Variants in FILIP1 observed in about 807,000 individuals in gnomAD.
The protein encoded by FILIP1 is filamin-A-interacting protein 1.
A neutral mutation model predicts 102.1 loss-of-function variants in FILIP1; 61 were observed. The observed-to-expected ratio is 0.60, with a 90% CI of 0.49 to 0.74. FILIP1 has a LOEUF of 0.74. FILIP1 is among the 30% of genes least tolerant of loss of function. The pLI, the probability that FILIP1 is intolerant of heterozygous loss-of-function variation, is 0.00. For synonymous variants in FILIP1, 491 were observed against 526.9 expected, an observed-to-expected ratio of 0.93 and a Z score of 0.93; for missense variants, 1,314 against 1,441.2, an observed-to-expected ratio of 0.91 and a Z score of 1.43.
At chr6:75,301,633 T>C (rs192326240) in intron 6 of FILIP1, among the ~76,000 whole-genome samples, 46 of 152,322 alleles carry the variant, frequency 3.0e-4, no homozygotes, top group Non-Finnish European at 2.9e-5. Context: ...AGGAAAAGCA[T>C]TGTAGCAGGA....
chr6:75,305,409 A>G (rs560708034), downstream of FILIP1, among the ~76,000 whole-genome samples: 1 of 152,334 alleles, frequency 6.6e-6, no homozygotes, highest in African/African-American at 2.4e-5. Context: ...CACACTACAC[A>G]TGAAAGCTAT....
intron 4 of FILIP1, among the ~76,000 whole-genome samples, chr6:75,327,570 A>C (rs1773910569): frequency 1.9e-5 from 2 of 104,894 alleles, no homozygotes; most frequent in Non-Finnish European, 3.9e-5. Context: ...ATAAGTATAT[A>C]TGCATATATA....
chr6:75,351,097 G>T (rs540460265), intron 4 of FILIP1, among the ~76,000 whole-genome samples: 1 of 151,826 alleles, frequency 6.6e-6, no homozygotes, highest in African/African-American at 2.4e-5. Flanking sequence ...ACAGAGTTTC[G>T]CTCTTGTTGC....
chr6:75,319,300 T>G (rs1562451827), intron 4 of FILIP1: 17 of 661,084 alleles, frequency 2.6e-5, no homozygotes, highest in Non-Finnish European at 3.5e-5. Context: ...GCATCACCAA[T>G]GGGCAGGCCA....
At chr6:75,322,939 C>A (rs1236387589) in intron 4 of FILIP1, among the ~76,000 whole-genome samples, 1 of 152,160 alleles carries the variant, frequency 6.6e-6, no homozygotes, top group Non-Finnish European at 1.5e-5. Context: ...GATGATCCAC[C>A]CACCTCGGCC....
At chr6:75,452,585 G>C (rs13195792) in intron 1 of FILIP1, among the ~76,000 whole-genome samples, 1 of 152,166 alleles carries the variant, frequency 6.6e-6, no homozygotes, top group Non-Finnish European at 1.5e-5. Context: ...AAACAACTTA[G>C]ATGACCCATA....
intron 4 of FILIP1, among the ~76,000 whole-genome samples, chr6:75,316,580 T>C (rs1258213611): frequency 6.6e-6 from 1 of 152,168 alleles, no homozygotes; most frequent in Admixed American, 6.5e-5. Context: ...AAGCTATTAA[T>C]AATTAAATAC....
chr6:75,479,210 A>C (rs986631427), intron 1 of FILIP1, among the ~76,000 whole-genome samples: 10 of 152,204 alleles, frequency 6.6e-5, no homozygotes, highest in African/African-American at 2.4e-4. Flanking sequence ...TTTGAGAACA[A>C]TAGGAGGAAG....
chr6:75,348,088 T>C (rs4273651), intron 4 of FILIP1, among the ~76,000 whole-genome samples: 101,598 of 149,540 alleles, frequency 0.68, 34,357 homozygotes, highest in Middle Eastern at 0.77. Context: ...CACACACACA[T>C]ACACACACTT....
chr6:75,345,431 C>T (rs1774544696), intron 4 of FILIP1, among the ~76,000 whole-genome samples: 1 of 151,212 alleles, frequency 6.6e-6, no homozygotes, highest in Non-Finnish European at 1.5e-5. Context: ...GAAGCTCGCA[C>T]AGGTGAATGC....
intron 2 of FILIP1, among the ~76,000 whole-genome samples, chr6:75,414,063 C>A (rs1777168445): frequency 1.3e-5 from 2 of 148,700 alleles, no homozygotes; most frequent in Non-Finnish European, 3.0e-5. Context: ...ACAGATGATA[C>A]CCACATTTTT....
downstream of FILIP1, among the ~76,000 whole-genome samples, chr6:75,303,773 AAG>A (rs1272381591): frequency 2.0e-5 from 3 of 149,340 alleles, no homozygotes; most frequent in Admixed American, 1.3e-4. Context: ...GAGAGAGAGA[AAG>A]AGAGAGAGAG....
intron 1 of FILIP1, among the ~76,000 whole-genome samples, chr6:75,439,843 GTAA>G (rs1778149345): frequency 6.6e-6 from 1 of 152,176 alleles, no homozygotes. Flanking sequence ...TTGTTAAGAA[GTAA>G]TTCTCAATTA....
At chr6:75,435,381 G>A (rs1406611007) in intron 1 of FILIP1, among the ~76,000 whole-genome samples, 1 of 152,104 alleles carries the variant, frequency 6.6e-6, no homozygotes, top group Non-Finnish European at 1.5e-5. Context: ...AGATTTCTTT[G>A]CCTCTTTAAG....
intron 2 of FILIP1, among the ~76,000 whole-genome samples, chr6:75,398,429 G>T (rs9443171): frequency 0.69 from 105,153 of 151,924 alleles, 36,584 homozygotes; most frequent in Middle Eastern, 0.77. Context: ...GCAGGTCACA[G>T]GAGCTTCAGA....
intron 1 of FILIP1, among the ~76,000 whole-genome samples, chr6:75,484,008 T>C (rs1378746616): frequency 6.6e-6 from 1 of 152,134 alleles, no homozygotes; most frequent in African/African-American, 2.4e-5. Flanking sequence ...AGCTACTTTA[T>C]TGTTTATTAT....
Position 75,312,436 on chromosome 6 carries a change from T to A in FILIP1, c.3396A>T (p.Thr1132=), listed in dbSNP as rs1235142859. The A allele has an allele frequency of 1.2e-6, 2 of 1,614,034 alleles. No homozygotes were observed. Among genetic ancestry groups the A allele is most frequent in the African/African-American group, 2.7e-5 (2 of 74,984 alleles). ...ASKVTSTITI[T]PVTTSSARGT... ...CTCGAGCAGATGACGTTGTGACCGG[T>A]GTTATGGTGATAGTGCTCGTCACTT... The change falls in exon 5 of 6, where the codon ACA becomes ACT. Residue 1132 remains threonine (T), a synonymous_variant. Transcript: ENST00000237172.
chr6:75,371,683 A>G (rs1775523806), intron 2 of FILIP1, among the ~76,000 whole-genome samples: 1 of 152,250 alleles, frequency 6.6e-6, no homozygotes, highest in African/African-American at 2.4e-5. Context: ...ATATAGACAA[A>G]TGATTTTCTA....
In FILIP1 at chr6:75,442,125, A is replaced by G. The variant is rs1342471437; in HGVS notation, c.-6-27147T>C. Among the ~76,000 whole-genome samples the G allele has an allele frequency of 8.1e-5, 12 of 148,514 alleles. No individual in the cohort carries two copies. In the South Asian group the frequency reaches 2.4e-3, roughly 29 times the overall value. On this transcript the variant is annotated intron_variant, in intron 1 of 5. Coordinates refer to ENST00000237172, the MANE Select transcript of FILIP1 (RefSeq NM_015687.5). ...CCTCACCTCCCAGATGGGGCGGCGG[A>G]GCAGAGGCGCTCCCCACAGCTCAGA...
Sources: allele counts gnomAD v4.1 joint callset (sites outside exome capture counted in the v4.1 genomes callset), GRCh38; gene constraint gnomAD v4.1.1; transcripts MANE v1.5; gene names NCBI Gene and HGNC (gene_info 2026-07-23, HGNC 2026-07-21).